The following COA1 variants were observed in gnomAD, a reference collection of about 807,000 sequenced individuals.
COA1 encodes the protein cytochrome c oxidase assembly factor 1 homolog.
Under a neutral mutation model 16.0 loss-of-function variants are expected in COA1, and 13 were observed. The observed-to-expected ratio is 0.81, with a 90% CI of 0.53 to 1.29. The LOEUF (loss-of-function observed/expected upper bound fraction) is 1.29. Among genes scored for constraint, COA1 ranks in the 50% most tolerant of loss-of-function variants. The pLI is 0.00. For missense variants in COA1, 179 were observed against 177.0 expected, an observed-to-expected ratio of 1.01 and a Z score of -0.06; for synonymous variants, 65 against 65.7, an observed-to-expected ratio of 0.99 and a Z score of 0.05.
intron 4 of COA1, chr7:43,641,610 T>G (rs781623860): frequency 6.6e-6 from 1 of 152,188 alleles, no homozygotes; most frequent in African/African-American, 2.4e-5. Flanking sequence ...TATTTTGACC[T>G]GGACCCTAAA....
chr7:43,636,903 G>C (rs185619235), downstream of COA1, among the ~76,000 whole-genome samples: 62 of 152,338 alleles, frequency 4.1e-4, no homozygotes, highest in African/African-American at 1.5e-3. Flanking sequence ...GCCACAAATT[G>C]TATGCAAAAT....
At chr7:43,644,815 G>T (rs1048434506) in intron 4 of COA1, among the ~76,000 whole-genome samples, 1 of 149,906 alleles carries the variant, frequency 6.7e-6, no homozygotes, top group Non-Finnish European at 1.5e-5. Context: ...GAGAGAGAGA[G>T]AGAGAGAGAG....
intron 1 of COA1, among the ~76,000 whole-genome samples, chr7:43,652,737 A>G (rs552167441): frequency 6.6e-6 from 1 of 152,298 alleles, no homozygotes; most frequent in African/African-American, 2.4e-5. Context: ...GAGATACAAA[A>G]TCACTTAGAG....
chr7:43,717,260 C>T (rs1047045704), intron 1 of COA1, among the ~76,000 whole-genome samples: 2 of 152,320 alleles, frequency 1.3e-5, no homozygotes, highest in Admixed American at 1.3e-4. Context: ...CAATGCCAGC[C>T]TATGAAAGCA....
chr7:43,698,247 ATAAT>A (rs2094590792), intron 1 of COA1, among the ~76,000 whole-genome samples: 2 of 152,242 alleles, frequency 1.3e-5, no homozygotes, highest in Non-Finnish European at 2.9e-5. Flanking sequence ...AATTTCAGTG[ATAAT>A]TAATTTCAGT....
At chr7:43,637,722 C>T (rs1312381519), downstream of COA1, among the ~76,000 whole-genome samples, 2 of 152,184 alleles carry the variant, frequency 1.3e-5, no homozygotes, top group African/African-American at 2.4e-5. Context: ...AAAAAATACC[C>T]GAGATAGCGG....
chr7:43,659,454 C>G (rs1184497316), intron 1 of COA1, among the ~76,000 whole-genome samples: 2 of 152,116 alleles, frequency 1.3e-5, no homozygotes, highest in Admixed American at 1.3e-4. Context: ...AGATTTTAAA[C>G]CACAGCAAGA....
At chr7:43,621,881 A>T (rs2083930908) in intron 6 of COA1, among the ~76,000 whole-genome samples, 1 of 152,070 alleles carries the variant, frequency 6.6e-6, no homozygotes, top group South Asian at 2.1e-4. Context: ...ACCTTTTAAA[A>T]GGTGAGTTTA....
chr7:43,669,584 C>T (rs1410513802), intron 1 of COA1, among the ~76,000 whole-genome samples: 1 of 152,052 alleles, frequency 6.6e-6, no homozygotes, highest in African/African-American at 2.4e-5. Context: ...ATCCCCTGAG[C>T]GCTATGCAAA....
intron 1 of COA1, among the ~76,000 whole-genome samples, chr7:43,720,711 A>T (rs183943996): frequency 6.6e-5 from 10 of 152,358 alleles, no homozygotes; most frequent in Admixed American, 1.3e-4. Flanking sequence ...GTGACCCTGG[A>T]TATTACTCAG....
At chr7:43,691,173 C>G (rs1285264136) in intron 1 of COA1, among the ~76,000 whole-genome samples, 4 of 149,324 alleles carry the variant, frequency 2.7e-5, no homozygotes, top group African/African-American at 9.9e-5. Context: ...TCCCTGAGGC[C>G]AGGAGTTTGG....
chr7:43,659,819 A>G (rs897111844), intron 1 of COA1, among the ~76,000 whole-genome samples: 2 of 152,124 alleles, frequency 1.3e-5, no homozygotes, highest in Non-Finnish European at 2.9e-5. Flanking sequence ...CCCAAAATTC[A>G]TATGTTGAAG....
At chr7:43,706,648 C>T (rs2094990747) in intron 1 of COA1, among the ~76,000 whole-genome samples, 1 of 152,156 alleles carries the variant, frequency 6.6e-6, no homozygotes, top group South Asian at 2.1e-4. Context: ...GTCAGCAGGT[C>T]ACTTGAGCCC....
chr7:43,668,011 A>G (rs1295563003), intron 1 of COA1, among the ~76,000 whole-genome samples: 1 of 152,234 alleles, frequency 6.6e-6, no homozygotes. Context: ...CAGTGCAATA[A>G]GAATCCATTT....
At chr7:43,628,920 T>G (rs2084900530) in intron 6 of COA1, among the ~76,000 whole-genome samples, 1 of 152,208 alleles carries the variant, frequency 6.6e-6, no homozygotes, top group African/African-American at 2.4e-5. Context: ...TTTGTGCTCT[T>G]TAAGAAGTCT....
chr7:43,623,859 C>T (rs2084190859), intron 6 of COA1: 1 of 1,581,092 alleles, frequency 6.3e-7, no homozygotes, highest in East Asian at 2.3e-5. Flanking sequence ...CTGTTGATTT[C>T]ATCAGGACAC....
intron 1 of COA1, among the ~76,000 whole-genome samples, chr7:43,713,745 C>G (rs1004210775): frequency 6.6e-6 from 1 of 152,040 alleles, no homozygotes; most frequent in African/African-American, 2.4e-5. Context: ...ATGATTAAGA[C>G]TGGGGGTCTA....
At chr7:43,608,575 G>A in exon 7 of COA1, 1 of 631,592 alleles carries the variant, frequency 1.6e-6, no homozygotes, top group South Asian at 2.2e-5. Flanking sequence ...GGGAGATAAT[G>A]CACACATGTG....
At chr7:43,641,091 A>G (rs1260956637) in intron 4 of COA1, 1 of 152,570 alleles carries the variant, frequency 6.6e-6, no homozygotes, top group Admixed American at 6.5e-5. Flanking sequence ...TTGATGGATT[A>G]CAAAGTAATT....
Sources: gnomAD v4.1 joint callset for allele counts (sites outside exome capture counted in the v4.1 genomes callset) on GRCh38, gnomAD v4.1.1 for gene constraint, MANE v1.5 for transcripts, NCBI Gene and HGNC (gene_info 2026-07-23, HGNC 2026-07-21) for gene names.